The following PALM2AKAP2 variants were observed in gnomAD, a reference collection of about 807,000 sequenced individuals.
PALM2AKAP2 encodes PALM2-AKAP2 fusion protein.
In PALM2AKAP2, 37 loss-of-function variants were observed where a neutral mutation model predicts 71.5. The observed-to-expected ratio is 0.52, with a 90% CI of 0.40 to 0.68. PALM2AKAP2 has a LOEUF of 0.68. Ranked by LOEUF, PALM2AKAP2 falls within the 30% of genes least tolerant of loss-of-function variation. PALM2AKAP2 has a pLI of 0.00. For synonymous variants in PALM2AKAP2, 468 were observed against 478.8 expected (o/e 0.98, Z 0.29); for missense variants, 1,224 against 1,191.8 (o/e 1.03, Z -0.40).
At chr9:109,687,167 G>A (rs1162427951) in intron 1 of PALM2AKAP2, among the ~76,000 whole-genome samples, 1 of 152,116 alleles carries the variant, frequency 6.6e-6, no homozygotes, top group East Asian at 1.9e-4. Flanking sequence ...ATTCTTAAGA[G>A]CTCTAGGATT....
intron 6 of PALM2AKAP2, among the ~76,000 whole-genome samples, chr9:109,951,758 C>T (rs1020792456): frequency 3.3e-5 from 5 of 152,152 alleles, no homozygotes; most frequent in Admixed American, 6.5e-5. Context: ...GTACCTGGAC[C>T]GCCGGTTTGG....
At chr9:109,825,053 A>G (rs1047369241) in intron 1 of PALM2AKAP2, among the ~76,000 whole-genome samples, 1 of 152,240 alleles carries the variant, frequency 6.6e-6, no homozygotes, top group Non-Finnish European at 1.5e-5. Context: ...GAATTAGTAC[A>G]CATTTCCAAA....
At chr9:110,030,141 G>T (rs1362381198) in intron 7 of PALM2AKAP2, among the ~76,000 whole-genome samples, 1 of 152,188 alleles carries the variant, frequency 6.6e-6, no homozygotes, top group African/African-American at 2.4e-5. Context: ...ACACAATGGG[G>T]TACAGATGGT....
intron 1 of PALM2AKAP2, among the ~76,000 whole-genome samples, chr9:109,732,389 G>A (rs897116029): frequency 2.0e-5 from 3 of 152,198 alleles, no homozygotes; most frequent in Admixed American, 1.3e-4. Context: ...TCCATGACAA[G>A]GTTCCTGTGA....
At chr9:110,120,800 C>CG (rs1252585109) in intron 1 of PALM2AKAP2, among the ~76,000 whole-genome samples, 1 of 152,230 alleles carries the variant, frequency 6.6e-6, no homozygotes, top group African/African-American at 2.4e-5. Flanking sequence ...CCACTGCGCC[C>CG]GGGCCAAAAG....
chr9:109,769,955 G>A (rs35792388), intron 1 of PALM2AKAP2, among the ~76,000 whole-genome samples: 43,517 of 152,024 alleles, frequency 0.29, 7,815 homozygotes, highest in African/African-American at 0.48. Flanking sequence ...TAAAGGCTGG[G>A]TAGACATGGA....
At chr9:109,871,750 C>T (rs1332608599) in intron 2 of PALM2AKAP2, among the ~76,000 whole-genome samples, 1 of 151,988 alleles carries the variant, frequency 6.6e-6, no homozygotes, top group African/African-American at 2.4e-5. Context: ...TATGTGGGTT[C>T]TTTTTAATAC....
At chr9:110,071,926 T>C (rs910059165) in intron 1 of PALM2AKAP2, among the ~76,000 whole-genome samples, 3 of 152,208 alleles carry the variant, frequency 2.0e-5, no homozygotes, top group Non-Finnish European at 2.9e-5. Context: ...AACACTTGGC[T>C]ATCTGTGATT....
chr9:110,052,985 G>A (rs746651176), intron 1 of PALM2AKAP2, among the ~76,000 whole-genome samples: 5 of 152,184 alleles, frequency 3.3e-5, no homozygotes, highest in African/African-American at 7.2e-5. Context: ...GAAAAGGATC[G>A]AGTCTCTCTT....
At chr9:109,904,903 C>T (rs1051520904) in intron 3 of PALM2AKAP2, among the ~76,000 whole-genome samples, 12 of 152,104 alleles carry the variant, frequency 7.9e-5, no homozygotes, top group East Asian at 5.8e-4. Flanking sequence ...TTTCTTTGGA[C>T]GTTATGCAAG....
chr9:109,878,310 C>T (rs1265690388), intron 2 of PALM2AKAP2, among the ~76,000 whole-genome samples: 2 of 152,174 alleles, frequency 1.3e-5, no homozygotes, highest in East Asian at 3.8e-4. Flanking sequence ...CAGCATGTCA[C>T]CAGTGATGCA....
chr9:109,740,923 A>C (rs536951602), intron 1 of PALM2AKAP2, among the ~76,000 whole-genome samples: 1 of 152,296 alleles, frequency 6.6e-6, no homozygotes, highest in East Asian at 1.9e-4. Flanking sequence ...AAGCGCTGGG[A>C]TTACAGGTGT....
chr9:109,696,569 C>T (rs1057115255), intron 1 of PALM2AKAP2, among the ~76,000 whole-genome samples: 11 of 152,170 alleles, frequency 7.2e-5, no homozygotes, highest in Non-Finnish European at 1.0e-4. Context: ...CTGGTTATTT[C>T]GCTTCTAGTC....
chr9:110,004,751 C>T (rs1337900974), intron 6 of PALM2AKAP2, among the ~76,000 whole-genome samples: 2 of 152,168 alleles, frequency 1.3e-5, no homozygotes, highest in Non-Finnish European at 2.9e-5. Flanking sequence ...TTTCTCTAAA[C>T]TTCTCTTGTC....
chr9:109,684,973 A>G (rs1827787491), intron 1 of PALM2AKAP2, among the ~76,000 whole-genome samples: 1 of 152,218 alleles, frequency 6.6e-6, no homozygotes, highest in Non-Finnish European at 1.5e-5. Context: ...AACCATAAAA[A>G]TAAATAAATT....
intron 1 of PALM2AKAP2, among the ~76,000 whole-genome samples, chr9:109,660,193 T>C (rs1827369403): frequency 6.6e-6 from 1 of 152,184 alleles, no homozygotes; most frequent in Non-Finnish European, 1.5e-5. Flanking sequence ...TAGCAAAGTA[T>C]CTTTTTTAAA....
At chr9:110,165,941 AT>A (rs1836723681) in intron 3 of PALM2AKAP2, among the ~76,000 whole-genome samples, 1 of 152,232 alleles carries the variant, frequency 6.6e-6, no homozygotes, top group African/African-American at 2.4e-5. Context: ...GACAAAGAAC[AT>A]TCCAAGAGGA....
rs138794475 is a variant in PALM2AKAP2, at chr9:109,865,356, C to T, written c.46-2135C>T. Reference sequence around the variant, plus strand: ...TCGGGTGATCCACCCACCTCAGCCTCCCAAAGTGCTGGGATTACAGGTATG... The same window carrying T: ...TCGGGTGATCCACCCACCTCAGCCTTCCAAAGTGCTGGGATTACAGGTATG... On this transcript the variant is annotated intron_variant, in intron 1 of 9. Transcript: ENST00000302798. Among the ~76,000 whole-genome samples, 1,459 of 152,240 alleles carry T rather than the reference C, an allele frequency of 9.6e-3. 16 individuals carry two copies. The highest frequency in any genetic ancestry group is 0.014 in the Non-Finnish European group (964 of 68,024).
chr9:109,943,308 G>A, intron 6 of PALM2AKAP2: 1 of 1,614,220 alleles, frequency 6.2e-7, no homozygotes, highest in Non-Finnish European at 8.5e-7. Context: ...TGTCCGGGAG[G>A]CCGGTCTCAG....
Sources: allele counts gnomAD v4.1 joint callset (sites outside exome capture counted in the v4.1 genomes callset), GRCh38; gene constraint gnomAD v4.1.1; transcripts MANE v1.5; gene names NCBI Gene and HGNC (gene_info 2026-07-23, HGNC 2026-07-21).